The following FAM171A1 variants were observed in gnomAD, a reference collection of about 807,000 sequenced individuals.
FAM171A1 encodes family with sequence similarity 171 member A1.
A neutral mutation model predicts 74.9 loss-of-function variants in FAM171A1; 23 were observed. That is an observed-to-expected ratio of 0.31 (90% CI 0.22 to 0.44). FAM171A1 has a LOEUF of 0.44. Among genes scored for constraint, FAM171A1 ranks in the 20% least tolerant of loss-of-function variants. The pLI is 1.00. For synonymous variants in FAM171A1, 527 were observed against 505.7 expected (o/e 1.04, Z -0.57); for missense variants, 1,162 against 1,159.2 (o/e 1.00, Z -0.03).
At chr10:15,310,173 G>C (rs1233539604) in intron 1 of FAM171A1, among the ~76,000 whole-genome samples, 2 of 152,182 alleles carry the variant, frequency 1.3e-5, no homozygotes, top group African/African-American at 4.8e-5. Context: ...GGTGCAGACT[G>C]GGGGAAAGTG....
At chr10:15,337,253 T>A (rs1283482394) in intron 1 of FAM171A1, among the ~76,000 whole-genome samples, 1 of 152,162 alleles carries the variant, frequency 6.6e-6, no homozygotes, top group Non-Finnish European at 1.5e-5. Context: ...AGAGGATAAA[T>A]CCCTAAAAAA....
intron 4 of FAM171A1, among the ~76,000 whole-genome samples, chr10:15,254,077 C>G (rs1261598474): frequency 1.3e-5 from 2 of 152,208 alleles, no homozygotes; most frequent in Non-Finnish European, 1.5e-5. Context: ...AAATTCAAAG[C>G]CTGGCCACTC....
intron 1 of FAM171A1, among the ~76,000 whole-genome samples, chr10:15,305,996 A>G (rs1180689355): frequency 2.0e-5 from 3 of 152,224 alleles, no homozygotes; most frequent in African/African-American, 7.2e-5. Flanking sequence ...CTCTCAAAAT[A>G]TCATCAGAAC....
chr10:15,291,272 T>A (rs939455483), intron 1 of FAM171A1, among the ~76,000 whole-genome samples: 1 of 152,184 alleles, frequency 6.6e-6, no homozygotes, highest in Non-Finnish European at 1.5e-5. Context: ...AGGTGGTCAA[T>A]AAAAGTTTGC....
chr10:15,219,159 G>C (rs1834004260), intron 6 of FAM171A1, among the ~76,000 whole-genome samples: 1 of 152,120 alleles, frequency 6.6e-6, no homozygotes, highest in African/African-American at 2.4e-5. Context: ...GCGGAGACCT[G>C]TAATCTCAGC....
intron 1 of FAM171A1, among the ~76,000 whole-genome samples, chr10:15,326,634 T>C (rs1472094104): frequency 6.6e-6 from 1 of 151,440 alleles, no homozygotes; most frequent in Non-Finnish European, 1.5e-5. Flanking sequence ...CAATTCTTGT[T>C]GTTTGTTTTT....
At chr10:15,270,109 G>A (rs7900038) in intron 3 of FAM171A1, among the ~76,000 whole-genome samples, 6 of 152,174 alleles carry the variant, frequency 3.9e-5, no homozygotes, top group Admixed American at 1.3e-4. Flanking sequence ...GCAACGGGTC[G>A]GGGAATTCCC....
chr10:15,229,474 ATT>A (rs1476572665), intron 5 of FAM171A1, among the ~76,000 whole-genome samples: 4 of 149,420 alleles, frequency 2.7e-5, no homozygotes, highest in African/African-American at 7.4e-5. Flanking sequence ...CATCATCACC[ATT>A]GTCACCCCAT....
chr10:15,302,325 T>A (rs1234131030), intron 1 of FAM171A1, among the ~76,000 whole-genome samples: 2 of 151,566 alleles, frequency 1.3e-5, no homozygotes, highest in Admixed American at 1.3e-4. Flanking sequence ...ATTAGCTGGG[T>A]GTGGTGGCAG....
intron 1 of FAM171A1, among the ~76,000 whole-genome samples, chr10:15,369,476 T>C (rs940345069): frequency 1.3e-5 from 2 of 152,092 alleles, no homozygotes; most frequent in Non-Finnish European, 2.9e-5. Context: ...CGAAGAGACA[T>C]ATAGGTCTTT....
chr10:15,222,341 A>AC (rs1834049592), intron 5 of FAM171A1, among the ~76,000 whole-genome samples: 2 of 152,136 alleles, frequency 1.3e-5, no homozygotes, highest in East Asian at 3.9e-4. Flanking sequence ...CCTTATGCAA[A>AC]CCTAGATGGT....
At chr10:15,267,508 C>T (rs1220355953) in intron 3 of FAM171A1, among the ~76,000 whole-genome samples, 1 of 139,752 alleles carries the variant, frequency 7.2e-6, no homozygotes, top group African/African-American at 2.7e-5. Context: ...CAGGCTAAGG[C>T]AGGAGAATCA....
intron 1 of FAM171A1, among the ~76,000 whole-genome samples, chr10:15,343,301 C>G (rs375542061): frequency 3.3e-5 from 5 of 152,010 alleles, no homozygotes; most frequent in African/African-American, 1.2e-4. Context: ...CCCAGGAGTT[C>G]GAGGCTATAG....
chr10:15,303,235 A>G (rs1835254446), intron 1 of FAM171A1, among the ~76,000 whole-genome samples: 1 of 152,094 alleles, frequency 6.6e-6, no homozygotes, highest in South Asian at 2.1e-4. Context: ...AATTTATGAA[A>G]TATTTTTATA....
rs762119725 is a variant in FAM171A1 at position 15,214,010 on chromosome 10, A to G, written c.1578T>C (p.Pro526=). 6 of 1,614,142 alleles carry G rather than the reference A, an allele frequency of 3.7e-6. No homozygotes were observed. The highest frequency in any genetic ancestry group is 5.1e-6 in the Non-Finnish European group (6 of 1,180,018). The change falls in exon 8 of 8, where the codon CCT becomes CCC. Residue 526 remains proline, a synonymous_variant. Coordinates refer to ENST00000378116, the MANE Select transcript of FAM171A1 (RefSeq NM_001010924.2). ...QEHLYPAPSS[P]EKEQLLDRRP... is the part of the protein sequence containing the mutation. ...TGCGGTCCAGCAGCTGTTCTTTCTCAGGTGATGAAGGCGCGGGGTACAGAT... is the reference window on the plus strand; with the variant it reads ...TGCGGTCCAGCAGCTGTTCTTTCTCGGGTGATGAAGGCGCGGGGTACAGAT...
In FAM171A1 at chr10:15,212,893, A is replaced by T; in HGVS notation, c.*22T>A. On this transcript the variant is annotated 3_prime_UTR_variant, in exon 8 of 8. Coordinates refer to ENST00000378116, the MANE Select transcript of FAM171A1 (RefSeq NM_001010924.2). ...GATATTTGGCAATTTTATATTCCAC[A>T]GTCAGGTGGGTCTGCGATAGCTCAT... is the stretch of plus-strand genomic sequence containing the variant. 1.2e-6 allele frequency: 2 copies of T among 1,607,840 alleles called. No homozygotes were observed. Among genetic ancestry groups the T allele is most frequent in the Non-Finnish European group, 1.7e-6 (2 of 1,178,644 alleles).
chr10:15,308,329 T>C (rs561751189), intron 1 of FAM171A1, among the ~76,000 whole-genome samples: 1 of 152,262 alleles, frequency 6.6e-6, no homozygotes, highest in East Asian at 1.9e-4. Context: ...ATTGTGAAAA[T>C]TAATAAATGC....
At chr10:15,267,601 C>CAAAAAAAAAAAA (rs71390026) in intron 3 of FAM171A1, among the ~76,000 whole-genome samples, 1 of 53,346 alleles carries the variant, frequency 1.9e-5, no homozygotes, top group Non-Finnish European at 3.0e-5. Flanking sequence ...GACACCATCG[C>CAAAAAAAAAAAA]AAAAAAAAAA....
At chr10:15,294,519 G>C (rs746185394) in intron 1 of FAM171A1, among the ~76,000 whole-genome samples, 1 of 152,142 alleles carries the variant, frequency 6.6e-6, no homozygotes, top group Non-Finnish European at 1.5e-5. Flanking sequence ...AGGAAGAAAC[G>C]AGCGCTCAGG....
Sources: allele counts gnomAD v4.1 joint callset (sites outside exome capture counted in the v4.1 genomes callset), GRCh38; gene constraint gnomAD v4.1.1; transcripts MANE v1.5; gene names NCBI Gene and HGNC (gene_info 2026-07-23, HGNC 2026-07-21).